CDH20: variants seen among roughly 807,000 people sequenced by gnomAD.
CDH20 encodes the protein cadherin 20, also known as cadherin-20.
In CDH20, 29 loss-of-function variants were observed where a neutral mutation model predicts 74.2. The observed-to-expected ratio is 0.39, with a 90% CI of 0.29 to 0.53. The LOEUF (loss-of-function observed/expected upper bound fraction) is 0.53, where lower values mean the gene tolerates loss of function less well. Among genes scored for constraint, CDH20 ranks in the 20% least tolerant of loss-of-function variants. The probability of loss-of-function intolerance (pLI) is 0.69; values close to 1 mark genes in which losing one functional copy is unlikely to be tolerated. For synonymous variants in CDH20, 469 were observed against 405.4 expected, an observed-to-expected ratio of 1.16 and a Z score of -1.88; for missense variants, 988 against 1,048.3, an observed-to-expected ratio of 0.94 and a Z score of 0.79.
Position 61,554,429 on chromosome 18 carries a change from C to T in CDH20, c.2140C>T (p.Gln714Ter). The T allele has an allele frequency of 6.2e-7, 1 of 1,613,234 alleles. No homozygotes were observed. The highest frequency in any genetic ancestry group is 8.5e-7 in the Non-Finnish European group (1 of 1,179,848). ...CGAGAGCCTCTCCCGCTACGTGCCT[C>T]AGACGTGCGCAGTGAACAGCACTGT... ...EIESLSRYVP[Q>*]TCAVNSTVHS... is the part of the protein sequence containing the mutation. The change falls in exon 12 of 12, where the codon CAG (glutamine) becomes TAG (stop). Residue 714 changes from glutamine (Q) to a stop codon, truncating the protein, a stop_gained. Coordinates refer to ENST00000262717, the MANE Select transcript of CDH20 (RefSeq NM_031891.4). LOFTEE classifies it high-confidence loss of function.
intron 1 of CDH20, among the ~76,000 whole-genome samples, chr18:61,445,295 C>T (rs1275201672): frequency 2.7e-5 from 4 of 149,582 alleles, no homozygotes; most frequent in African/African-American, 9.8e-5. Context: ...AGGTTTTATC[C>T]TCCATTTACA....
intron 1 of CDH20, among the ~76,000 whole-genome samples, chr18:61,408,061 T>C (rs907859296): frequency 2.6e-5 from 4 of 152,298 alleles, no homozygotes; most frequent in African/African-American, 9.6e-5. Flanking sequence ...TTTTGTAACT[T>C]TTTTATAAAA....
At chr18:61,534,517 G>A (rs2144383609) in intron 7 of CDH20, among the ~76,000 whole-genome samples, 1 of 152,302 alleles carries the variant, frequency 6.6e-6, no homozygotes, top group South Asian at 2.1e-4. Context: ...AAATAATGTG[G>A]CATACATACA....
At chr18:61,376,534 T>C (rs1199387899) in intron 1 of CDH20, among the ~76,000 whole-genome samples, 3 of 152,104 alleles carry the variant, frequency 2.0e-5, no homozygotes, top group Non-Finnish European at 4.4e-5. Flanking sequence ...TGCCTTTTAT[T>C]GGACTTATCA....
At position 61,523,287 on chromosome 18, in the gene CDH20, C is replaced by T. The variant is rs138073680; in HGVS notation, c.1018-4680C>T. Reference sequence around the variant, plus strand: ...TGAACAGACACTTCTCAAAAGAAGACATTTATGCAGCCAACAAACATGAAA... The same window carrying T: ...TGAACAGACACTTCTCAAAAGAAGATATTTATGCAGCCAACAAACATGAAA... On this transcript the variant is annotated intron_variant, in intron 6 of 11. Transcript: ENST00000262717. Among the ~76,000 whole-genome samples the T allele has an allele frequency of 1.4e-4, 21 of 151,286 alleles. 1 individual carries two copies. Among genetic ancestry groups the T allele is most frequent in the African/African-American group, 4.8e-4 (20 of 41,308 alleles).
At position 61,544,530 on chromosome 18, in the gene CDH20, G is replaced by C. The variant is rs181065927; in HGVS notation, c.1531-497G>C. On this transcript the variant is annotated intron_variant, in intron 9 of 11. Transcript: ENST00000262717. The stretch of plus-strand genomic sequence containing the variant: ...AAATGGATGGGAAGCCAGAAGCGGG[G>C]GATGGAGTGGGAAGGTGATCTTCCC... 8.0e-3 allele frequency among the ~76,000 whole-genome samples: 1,222 copies of C among 152,314 alleles called. 18 individuals carry two copies. Among genetic ancestry groups the C allele is most frequent in the African/African-American group, 0.028 (1,161 of 41,552 alleles).
chr18:61,359,158 A>G (rs922600107), intron 1 of CDH20, among the ~76,000 whole-genome samples: 3 of 152,152 alleles, frequency 2.0e-5, no homozygotes, highest in Admixed American at 6.5e-5. Flanking sequence ...TCTGATTCCA[A>G]CTTGGTAAAT....
chr18:61,546,893 T>A (rs769468848), intron 10 of CDH20, among the ~76,000 whole-genome samples: 44 of 152,224 alleles, frequency 2.9e-4, no homozygotes, highest in African/African-American at 1.0e-3. Flanking sequence ...CTGGGGCTCA[T>A]TTTAAAACTG....
intron 4 of CDH20, among the ~76,000 whole-genome samples, chr18:61,500,705 G>A (rs1343932643): frequency 6.6e-6 from 1 of 152,080 alleles, no homozygotes; most frequent in African/African-American, 2.4e-5. Context: ...AGTGAGCAGT[G>A]TCTGATTGGA....
At chr18:61,482,497 A>AT (rs1910623021) in intron 1 of CDH20, among the ~76,000 whole-genome samples, 1 of 152,020 alleles carries the variant, frequency 6.6e-6, no homozygotes, top group East Asian at 1.9e-4. Flanking sequence ...CTCCTTACCA[A>AT]TTTTCCCTGG....
At chr18:61,437,897 T>A (rs1908889591) in intron 1 of CDH20, among the ~76,000 whole-genome samples, 1 of 152,094 alleles carries the variant, frequency 6.6e-6, no homozygotes, top group Non-Finnish European at 1.5e-5. Flanking sequence ...TCACGTTGGG[T>A]TAAATGATTA....
intron 6 of CDH20, among the ~76,000 whole-genome samples, chr18:61,510,724 T>C (rs1911749014): frequency 6.6e-6 from 1 of 152,216 alleles, no homozygotes; most frequent in African/African-American, 2.4e-5. Flanking sequence ...GATTGACTTC[T>C]AAATCATCAA....
intron 1 of CDH20, among the ~76,000 whole-genome samples, chr18:61,424,389 G>A (rs1166987008): frequency 6.6e-6 from 1 of 152,178 alleles, no homozygotes; most frequent in Non-Finnish European, 1.5e-5. Context: ...CTAAATGGGA[G>A]GCCTACAGAA....
intron 1 of CDH20, among the ~76,000 whole-genome samples, chr18:61,461,345 AAAAC>A (rs1909765085): frequency 6.7e-6 from 1 of 149,934 alleles, no homozygotes; most frequent in Non-Finnish European, 1.5e-5. Context: ...AAAAAAAAAA[AAAAC>A]CAGAAATTTA....
intron 1 of CDH20, among the ~76,000 whole-genome samples, chr18:61,413,779 A>G (rs1240118217): frequency 6.6e-6 from 1 of 152,148 alleles, no homozygotes; most frequent in Non-Finnish European, 1.5e-5. Context: ...TCAATTTCCT[A>G]GGAAAAACTG....
chr18:61,501,802 C>A (rs2144320499), intron 4 of CDH20, among the ~76,000 whole-genome samples: 1 of 152,084 alleles, frequency 6.6e-6, no homozygotes, highest in Middle Eastern at 3.4e-3. Context: ...AGGAAGGGTG[C>A]CCACAGGGAG....
chr18:61,513,310 T>G (rs2144341435), intron 6 of CDH20, among the ~76,000 whole-genome samples: 2 of 122,360 alleles, frequency 1.6e-5, no homozygotes, highest in South Asian at 6.4e-4. Flanking sequence ...TATCAGAGAC[T>G]AGGATTGCAA....
chr18:61,345,835 G>A lies in CDH20; in HGVS notation c.-153+12008G>A, dbSNP rs1910099505. On this transcript the variant is annotated intron_variant, in intron 1 of 11. Coordinates refer to ENST00000262717, the MANE Select transcript of CDH20 (RefSeq NM_031891.4). ...CCTCCACGAGCCACCCAGAATGTAA[G>A]ATCTGAGAGGTTGTTTGGGAATTTG... Among the ~76,000 whole-genome samples the A allele has an allele frequency of 2.0e-5, 3 of 152,294 alleles. No homozygotes were observed. The South Asian group carries it at 6.2e-4, about 32-fold the overall frequency.
At position 61,527,994 on chromosome 18, in the gene CDH20, T is replaced by C; in HGVS notation, c.1045T>C (p.Tyr349His). 1.2e-6 allele frequency: 2 copies of C among 1,614,136 alleles called. No individual in the cohort carries two copies. Among genetic ancestry groups the C allele is most frequent in the Non-Finnish European group, 1.7e-6 (2 of 1,179,980 alleles). Residue 349 changes from tyrosine (Y) to histidine (H), a missense_variant, in exon 7 of 12, where the codon TAC becomes CAC. Coordinates refer to ENST00000262717, the MANE Select transcript of CDH20 (RefSeq NM_031891.4). ...KPLSFESKKS[Y>H]TLKVEGANPH... ...CCTGAGTTTTGAAAGCAAGAAAAGC[T>C]ACACCTTAAAGGTGGAGGGAGCCAA...
Sources: gnomAD v4.1 joint callset for allele counts (sites outside exome capture counted in the v4.1 genomes callset) on GRCh38, gnomAD v4.1.1 for gene constraint, MANE v1.5 for transcripts, NCBI Gene and HGNC (gene_info 2026-07-23, HGNC 2026-07-21) for gene names.